The following RAB3IP variants were observed in gnomAD, a reference collection of about 807,000 sequenced individuals.
The protein encoded by RAB3IP is rab-3A-interacting protein.
Under a neutral mutation model 59.1 loss-of-function variants are expected in RAB3IP, and 36 were observed. That is an observed-to-expected ratio of 0.61 (90% CI 0.47 to 0.80). The LOEUF (loss-of-function observed/expected upper bound fraction) is 0.80, where lower values mean the gene tolerates loss of function less well. RAB3IP is among the 30% of genes least tolerant of loss of function. The pLI is 0.00. For synonymous variants in RAB3IP, 207 were observed against 191.2 expected (o/e 1.08, Z -0.68); for missense variants, 511 against 536.0 (o/e 0.95, Z 0.46).
At chr12:69,743,322 C>A (rs999765531) in intron 1 of RAB3IP, among the ~76,000 whole-genome samples, 1 of 152,170 alleles carries the variant, frequency 6.6e-6, no homozygotes, top group African/African-American at 2.4e-5. Context: ...AAATTTGTAT[C>A]AATTCCCTGT....
At position 69,747,245 on chromosome 12, in the gene RAB3IP, C is replaced by A. The variant is rs78362776; in HGVS notation, c.-25-8139C>A. On this transcript the variant is annotated intron_variant, in intron 1 of 10. Transcript: ENST00000247833. ...AGATATGGTGCTAAGCTCTTTAATTCTCATGACTACCTTAGGAGATAGGTA... is the reference window on the plus strand; with the variant it reads ...AGATATGGTGCTAAGCTCTTTAATTATCATGACTACCTTAGGAGATAGGTA... Among the ~76,000 whole-genome samples the A allele has an allele frequency of 3.2e-3, 491 of 151,958 alleles. 5 individuals are homozygous for A. The highest frequency in any genetic ancestry group is 0.011 in the African/African-American group (440 of 41,412).
chr12:69,750,470 AAAG>A (rs1869069116), intron 1 of RAB3IP, among the ~76,000 whole-genome samples: 1 of 152,080 alleles, frequency 6.6e-6, no homozygotes, highest in Non-Finnish European at 1.5e-5. Context: ...TGGTTTATTC[AAAG>A]AAGAATCCAA....
At chr12:69,802,321 GT>G (rs1878524188) in intron 8 of RAB3IP, among the ~76,000 whole-genome samples, 1 of 152,018 alleles carries the variant, frequency 6.6e-6, no homozygotes, top group African/African-American at 2.4e-5. Flanking sequence ...TTCATATTGT[GT>G]TTATAAAGGA....
intron 3 of RAB3IP, among the ~76,000 whole-genome samples, chr12:69,757,701 A>C (rs531427239): frequency 1.4e-5 from 2 of 144,962 alleles, no homozygotes; most frequent in African/African-American, 4.8e-5. Flanking sequence ...TCATGAGCGT[A>C]GTATATTCAT....
intron 3 of RAB3IP, among the ~76,000 whole-genome samples, chr12:69,771,298 A>T (rs1216821036): frequency 1.3e-5 from 2 of 152,178 alleles, no homozygotes; most frequent in South Asian, 4.1e-4. Context: ...TGGAAGGCCA[A>T]AGTGGGAGGA....
rs1236825802 is a variant in RAB3IP at position 69,816,434 on chromosome 12, A to T, written c.*988A>T. ...GCTTTCAGATATTTTCTACTTACATATGCATATTTTTGAAACAAAAAGTAG... is the reference window on the plus strand; with the variant it reads ...GCTTTCAGATATTTTCTACTTACATTTGCATATTTTTGAAACAAAAAGTAG... On this transcript the variant is annotated 3_prime_UTR_variant, in exon 11 of 11. Transcript: ENST00000247833. 3 of 152,230 alleles carry T rather than the reference A, an allele frequency of 2.0e-5. No individual in the cohort carries two copies. The highest frequency in any genetic ancestry group is 4.4e-5 in the Non-Finnish European group (3 of 68,050). 9.4% of individuals were successfully genotyped at this position (152,230 alleles called of 1,614,324 possible).
intron 3 of RAB3IP, among the ~76,000 whole-genome samples, chr12:69,772,517 TTTTCTC>T (rs1349370030): frequency 6.6e-6 from 1 of 152,178 alleles, no homozygotes; most frequent in Admixed American, 6.5e-5. Context: ...GGTTAAGTGA[TTTTCTC>T]TAGTAATATG....
In RAB3IP at chr12:69,817,062, G is replaced by T. The variant is rs7954469; in HGVS notation, c.*1616G>T. On this transcript the variant is annotated 3_prime_UTR_variant, in exon 11 of 11. Transcript: ENST00000247833. ...CCATCAAAGCTTCAGAAGATTTTCC[G>T]TACAAACTAAAATCACTTTTGGAGA... The T allele has an allele frequency of 6.6e-6, 1 of 152,248 alleles. No homozygotes were observed. The highest frequency in any genetic ancestry group is 1.5e-5 in the Non-Finnish European group (1 of 68,052). 9.4% of individuals were successfully genotyped at this position (152,248 alleles called of 1,614,324 possible). A position where few individuals can be genotyped will look rare whatever the true frequency, so the allele number is the denominator to read the frequency against.
chr12:69,772,831 C>T (rs1004993705), intron 3 of RAB3IP, among the ~76,000 whole-genome samples: 1 of 152,112 alleles, frequency 6.6e-6, no homozygotes, highest in African/African-American at 2.4e-5. Context: ...GGTTAATATA[C>T]TACTATTACA....
intron 8 of RAB3IP, among the ~76,000 whole-genome samples, chr12:69,806,826 C>A (rs1879387176): frequency 6.6e-6 from 1 of 152,120 alleles, no homozygotes. Flanking sequence ...CAAAGCACAT[C>A]TTGCACTGCC....
At chr12:69,752,352 C>A (rs913845317) in intron 1 of RAB3IP, among the ~76,000 whole-genome samples, 1 of 144,994 alleles carries the variant, frequency 6.9e-6, no homozygotes, top group Admixed American at 6.7e-5. Flanking sequence ...TTTTTATTCT[C>A]CTTTTTTAGA....
intron 10 of RAB3IP, among the ~76,000 whole-genome samples, chr12:69,813,595 T>C (rs1326939958): frequency 1.3e-5 from 2 of 152,160 alleles, no homozygotes; most frequent in Non-Finnish European, 2.9e-5. Flanking sequence ...TGTGTTAATA[T>C]TTTTAATACA....
intron 4 of RAB3IP, among the ~76,000 whole-genome samples, chr12:69,787,357 G>C (rs886414518): frequency 7.2e-5 from 11 of 152,132 alleles, no homozygotes; most frequent in African/African-American, 2.7e-4. Context: ...AAAAAAGATA[G>C]TAGTCTTAAG....
chr12:69,797,585 C>CAG (rs1781940637), intron 6 of RAB3IP, among the ~76,000 whole-genome samples: 1 of 141,942 alleles, frequency 7.0e-6, no homozygotes, highest in Non-Finnish European at 1.5e-5. Flanking sequence ...AGGTTAGTTA[C>CAG]AGATGTATAC....
At chr12:69,782,697 G>C (rs1163107379) in intron 3 of RAB3IP, among the ~76,000 whole-genome samples, 1 of 152,050 alleles carries the variant, frequency 6.6e-6, no homozygotes, top group Non-Finnish European at 1.5e-5. Context: ...TTCCCAATTT[G>C]TGTCTTGTCT....
intron 3 of RAB3IP, chr12:69,779,244 G>A (rs1159643290): frequency 4.9e-5 from 7 of 142,776 alleles, no homozygotes; most frequent in African/African-American, 1.6e-4. Flanking sequence ...GCGCTTCCCA[G>A]GTGAGGCAAT....
chr12:69,807,329 G>C (rs1264504464), intron 8 of RAB3IP, among the ~76,000 whole-genome samples: 1 of 146,144 alleles, frequency 6.8e-6, no homozygotes, highest in East Asian at 2.1e-4. Context: ...GGGCAGAGGC[G>C]CTCTTCACCT....
intron 3 of RAB3IP, among the ~76,000 whole-genome samples, chr12:69,775,390 T>C (rs201437318): frequency 0.079 from 11,064 of 140,190 alleles, 750 homozygotes; most frequent in East Asian, 0.37. Flanking sequence ...TTTTCCTAAT[T>C]GAATACCCTT....
chr12:69,809,720 G>A (rs1256296961), intron 8 of RAB3IP, among the ~76,000 whole-genome samples: 2 of 152,128 alleles, frequency 1.3e-5, no homozygotes, highest in African/African-American at 2.4e-5. Context: ...CATTCGTCAC[G>A]TAGTTCTCAT....
Sources: gnomAD v4.1 joint callset for allele counts (sites outside exome capture counted in the v4.1 genomes callset) on GRCh38, gnomAD v4.1.1 for gene constraint, MANE v1.5 for transcripts, NCBI Gene and HGNC (gene_info 2026-07-23, HGNC 2026-07-21) for gene names.